The following SUMO3 variants were observed in gnomAD, a reference collection of about 807,000 sequenced individuals.
SUMO3 encodes small ubiquitin-related modifier 3.
Under a neutral mutation model 11.1 loss-of-function variants are expected in SUMO3, and 2 were observed. That is an observed-to-expected ratio of 0.18 (90% CI 0.07 to 0.57). The LOEUF (loss-of-function observed/expected upper bound fraction) is 0.57, where lower values mean the gene tolerates loss of function less well. Ranked by LOEUF, SUMO3 falls within the 20% of genes least tolerant of loss-of-function variation. The probability of loss-of-function intolerance (pLI) is 0.92; values close to 1 mark genes in which losing one functional copy is unlikely to be tolerated. For synonymous variants in SUMO3, 56 were observed against 53.5 expected, an observed-to-expected ratio of 1.05 and a Z score of -0.20; for missense variants, 70 against 132.8, an observed-to-expected ratio of 0.53 and a Z score of 2.32.
Position 44,817,977 on chromosome 21 carries a change from GAGCGGCGCGGGGA to G in SUMO3, c.-22_-10del, listed in dbSNP as rs1292325401. The stretch of plus-strand genomic sequence containing the variant: ...GGCTTCTCCTCGGACATGGCTGCGC[GAGCGGCGCGGGGA>G]GGCGGCGCGGGGGAAGCAGCGCGGA... On this transcript the variant is annotated 5_prime_UTR_variant, in exon 1 of 4. Coordinates refer to ENST00000332859, the MANE Select transcript of SUMO3 (RefSeq NM_006936.3). 22 of 1,180,976 alleles carry G rather than the reference GAGCGGCGCGGGGA, an allele frequency of 1.9e-5. No individual in the cohort carries two copies. Among genetic ancestry groups the G allele is most frequent in the Non-Finnish European group, 2.3e-5 (22 of 955,142 alleles). 73.2% of individuals were successfully genotyped at this position (1,180,976 alleles called of 1,614,324 possible). A position where few individuals can be genotyped will look rare whatever the true frequency, so the allele number is the denominator to read the frequency against.
rs1288805325 is a variant in SUMO3 at position 44,807,480 on chromosome 21, G to C, written c.223-440C>G. ...CATGCCATGAAAGCCAAAGCCCCCA[G>C]CTCACAGAAGGGCCCGTCAAGTGAG... On this transcript the variant is annotated intron_variant, in intron 3 of 3. Coordinates refer to ENST00000332859, the MANE Select transcript of SUMO3 (RefSeq NM_006936.3). The surrounding 1 kb of genome is among the most constrained non-coding windows in gnomAD (Gnocchi z 4.3). Among the ~76,000 whole-genome samples, 1 of 152,158 alleles carries C rather than the reference G, an allele frequency of 6.6e-6. No homozygotes were observed. The highest frequency in any genetic ancestry group is 2.4e-5 in the African/African-American group (1 of 41,426).
rs895994951 is a variant in SUMO3 at position 44,807,241 on chromosome 21, C to T, written c.223-201G>A. Among the ~76,000 whole-genome samples, 1 of 152,140 alleles carries T rather than the reference C, an allele frequency of 6.6e-6. No individual in the cohort carries two copies. Among genetic ancestry groups the T allele is most frequent in the African/African-American group, 2.4e-5 (1 of 41,416 alleles). ...TGCTGTATGCTCACTACAGCCCTTA[C>T]GGTTCAACAAGCTTCCCCTAACAAA... On this transcript the variant is annotated intron_variant, in intron 3 of 3. Transcript: ENST00000332859. The surrounding 1 kb of genome is among the most constrained non-coding windows in gnomAD (Gnocchi z 4.3).
At chr21:44,816,144 T>C (rs953380356) in intron 1 of SUMO3, among the ~76,000 whole-genome samples, 1 of 152,220 alleles carries the variant, frequency 6.6e-6, no homozygotes, top group Admixed American at 6.5e-5. Flanking sequence ...GAGCCTGAGA[T>C]TGACCACATG....
chr21:44,814,364 CAA>C (rs1261292147), intron 1 of SUMO3, among the ~76,000 whole-genome samples: 1 of 152,072 alleles, frequency 6.6e-6, no homozygotes, highest in Non-Finnish European at 1.5e-5. Context: ...AAGAAAAAAA[CAA>C]AGTCTAGGGA....
At chr21:44,815,799 A>AGATGGACACTAG (rs59713448) in intron 1 of SUMO3, among the ~76,000 whole-genome samples, 1 of 151,882 alleles carries the variant, frequency 6.6e-6, no homozygotes, top group Non-Finnish European at 1.5e-5. Context: ...TGCTCCAAAC[A>AGATGGACACTAG]GAATGACGAT....
chr21:44,817,784 G>A (rs1363831532), intron 1 of SUMO3, among the ~76,000 whole-genome samples, 164 bp downstream of exon 1: 2 of 149,046 alleles, frequency 1.3e-5, no homozygotes, highest in African/African-American at 2.5e-5. Context: ...GGGCAGAGGG[G>A]GCGCACCTTG....
rs1372285206 is a variant in SUMO3 at position 44,810,218 on chromosome 21, A to G, written c.151-1100T>C. Among the ~76,000 whole-genome samples, 4 of 152,226 alleles carry G rather than the reference A, an allele frequency of 2.6e-5. No individual in the cohort carries two copies. The highest frequency in any genetic ancestry group is 5.9e-5 in the Non-Finnish European group (4 of 68,038). On this transcript the variant is annotated intron_variant, in intron 2 of 3. Transcript: ENST00000332859. This position sits in a 1 kb window ranked among gnomAD's most constrained non-coding sequence, Gnocchi z 4.1. ...TGCTCCCTCCTGAAACCCCACTGAA[A>G]TGAAGTAAATGAAAAAGGCACAAAC...
chr21:44,811,311 C>T lies in SUMO3; in HGVS notation c.151-2193G>A, dbSNP rs2083211472. 6.6e-6 allele frequency among the ~76,000 whole-genome samples: 1 copy of T among 152,196 alleles called. No individual in the cohort carries two copies. Among genetic ancestry groups the T allele is most frequent in the South Asian group, 2.1e-4 (1 of 4,828 alleles). Reference sequence around the variant, plus strand: ...TACTGAGGATGGGTGCGGTGGCTCACACCTGTAATCCCAGCACTTTGGGAG... The same window carrying T: ...TACTGAGGATGGGTGCGGTGGCTCATACCTGTAATCCCAGCACTTTGGGAG... On this transcript the variant is annotated intron_variant, in intron 2 of 3. Transcript: ENST00000332859. This position sits in a 1 kb window ranked among gnomAD's most constrained non-coding sequence, Gnocchi z 5.0.
At chr21:44,809,182 C>A (rs887476634) in intron 2 of SUMO3, 64 bp from the exon 3 acceptor site, 2 of 1,505,132 alleles carry the variant, frequency 1.3e-6, no homozygotes, top group Middle Eastern at 1.7e-4. Context: ...AAGCAGTGGC[C>A]ATTAGTCTCA....
Position 44,818,020 on chromosome 21 carries a change from G to A in SUMO3, c.-52C>T, listed in dbSNP as rs2083260143. ...GCGCGGGGGAAGCAGCGCGGAGCGG[G>A]CGAGTCACGCTCTCGGCCCCGCCGC... On this transcript the variant is annotated 5_prime_UTR_variant, in exon 1 of 4. Transcript: ENST00000332859. 3 of 1,170,452 alleles carry A rather than the reference G, an allele frequency of 2.6e-6. No homozygotes were observed. Among genetic ancestry groups the A allele is most frequent in the South Asian group, 4.2e-5 (1 of 23,754 alleles). 72.5% of individuals were successfully genotyped at this position (1,170,452 alleles called of 1,614,324 possible). A position where few individuals can be genotyped will look rare whatever the true frequency, so the allele number is the denominator to read the frequency against.
intron 1 of SUMO3, among the ~76,000 whole-genome samples, chr21:44,816,987 T>A (rs1405488719): frequency 1.4e-4 from 5 of 35,812 alleles, no homozygotes; most frequent in African/African-American, 2.3e-4. Context: ...GGGGACGCGA[T>A]GGATAGGGGT....
intron 1 of SUMO3, among the ~76,000 whole-genome samples, chr21:44,816,126 C>A (rs537633192): frequency 6.6e-6 from 1 of 152,154 alleles, no homozygotes; most frequent in African/African-American, 2.4e-5. Flanking sequence ...GTGTTTTCAA[C>A]GGAACTGGAG....
chr21:44,813,317 T>G (rs1307535921), intron 2 of SUMO3, among the ~76,000 whole-genome samples: 2 of 151,962 alleles, frequency 1.3e-5, no homozygotes, highest in Non-Finnish European at 2.9e-5. Context: ...GCAAAGCCCA[T>G]AAAAGTGGCC....
At position 44,811,923 on chromosome 21, in the gene SUMO3, A is replaced by G. The variant is rs2083214427; in HGVS notation, c.150+2053T>C. On this transcript the variant is annotated intron_variant, in intron 2 of 3. Transcript: ENST00000332859. The surrounding 1 kb of genome is among the most constrained non-coding windows in gnomAD (Gnocchi z 5.0). ...GACCCATAAAGTGCCCAGCAGCATGAGTGAGAAAATCACCCACCTCTGAGG... is the reference window on the plus strand; with the variant it reads ...GACCCATAAAGTGCCCAGCAGCATGGGTGAGAAAATCACCCACCTCTGAGG... Among the ~76,000 whole-genome samples, 2 of 152,202 alleles carry G rather than the reference A, an allele frequency of 1.3e-5. No individual in the cohort carries two copies. Among genetic ancestry groups the G allele is most frequent in the East Asian group, 3.8e-4 (2 of 5,206 alleles).
At chr21:44,809,212 A>G in intron 2 of SUMO3, 94 bp from the exon 3 acceptor site, 1 of 1,231,816 alleles carries the variant, frequency 8.1e-7, no homozygotes, top group Non-Finnish European at 1.2e-6. Context: ...CCTGGAGAGG[A>G]AAAGCAGTGG....
chr21:44,807,905 A>G lies in SUMO3; in HGVS notation c.223-865T>C, dbSNP rs1258669110. On this transcript the variant is annotated intron_variant, in intron 3 of 3. Transcript: ENST00000332859. This position sits in a 1 kb window ranked among gnomAD's most constrained non-coding sequence, Gnocchi z 4.3. ...TCTCAGCAGCTTCTCCCTGGTGAAC[A>G]CTCCCAGAGCTGCCACTGCCTCAGC... Among the ~76,000 whole-genome samples, 1 of 151,952 alleles carries G rather than the reference A, an allele frequency of 6.6e-6. No homozygotes were observed. The highest frequency in any genetic ancestry group is 2.4e-5 in the African/African-American group (1 of 41,360).
intron 1 of SUMO3, among the ~76,000 whole-genome samples, chr21:44,814,803 G>A (rs2083234229): frequency 6.6e-6 from 1 of 152,214 alleles, no homozygotes; most frequent in Non-Finnish European, 1.5e-5. Context: ...TCCTATCTGA[G>A]CGGCAGTAGG....
At chr21:44,813,459 T>G in intron 2 of SUMO3, 1 of 226,422 alleles carries the variant, frequency 4.4e-6, no homozygotes, top group Non-Finnish European at 8.9e-6. Context: ...GGGCAGCTCA[T>G]TATCCTGAAA....
At chr21:44,813,706 C>T (rs1414024341) in intron 2 of SUMO3, 1 of 1,034,398 alleles carries the variant, frequency 9.7e-7, no homozygotes, top group Non-Finnish European at 1.4e-6. Flanking sequence ...ATGGAGAACA[C>T]AGCACCCCGG....
Sources: allele counts gnomAD v4.1 joint callset (sites outside exome capture counted in the v4.1 genomes callset), GRCh38; gene constraint gnomAD v4.1.1; non-coding constraint Gnocchi (gnomAD v3.1); transcripts MANE v1.5; gene names NCBI Gene and HGNC (gene_info 2026-07-23, HGNC 2026-07-21).